C10orf67: variants seen among roughly 807,000 people sequenced by gnomAD.
The protein encoded by C10orf67 is uncharacterized protein C10orf67, mitochondrial.
Under a neutral mutation model 35.6 loss-of-function variants are expected in C10orf67, and 60 were observed. The ratio of observed to expected loss-of-function variants is 1.68; its 90% CI spans 1.37 to 2.09. The LOEUF is 2.09. C10orf67 is among the 30% of genes most tolerant of loss of function. C10orf67 has a pLI of 0.00. For missense variants in C10orf67, 474 were observed against 330.2 expected (o/e 1.44, Z -3.38); for synonymous variants, 167 against 115.8 (o/e 1.44, Z -2.84).
chr10:23,326,694 C>T (rs1845209345), intron 2 of C10orf67, among the ~76,000 whole-genome samples: 1 of 152,070 alleles, frequency 6.6e-6, no homozygotes, highest in Admixed American at 6.5e-5. Flanking sequence ...ACGTATGATA[C>T]TCAGCATAAA....
rs140172067 is a variant in C10orf67, at chr10:23,240,970, G to C, written c.1347-1154C>G. Among the ~76,000 whole-genome samples, 135 of 152,330 alleles carry C rather than the reference G, an allele frequency of 8.9e-4. 1 individual carries two copies. The highest frequency in any genetic ancestry group is 3.1e-3 in the African/African-American group (128 of 41,582). On this transcript the variant is annotated intron_variant, in intron 12 of 15. Transcript: ENST00000636213. ...TGGATTCCCAAAATTCTATGGGCAG[G>C]AAACAGATTGATAAAACTACTCAGG...
chr10:23,330,975 G>T (rs1242073473), intron 2 of C10orf67, among the ~76,000 whole-genome samples: 1 of 136,784 alleles, frequency 7.3e-6, no homozygotes, highest in African/African-American at 2.7e-5. Context: ...AAGGGAAGGG[G>T]AGGGAAACTG....
chr10:23,204,505 T>G (rs1293758220), intron 15 of C10orf67, among the ~76,000 whole-genome samples: 1 of 152,050 alleles, frequency 6.6e-6, no homozygotes. Context: ...AGTCTGGGGC[T>G]CTCCGGCAGC....
At chr10:23,271,309 G>A (rs772838229) in intron 8 of C10orf67, among the ~76,000 whole-genome samples, 6 of 152,174 alleles carry the variant, frequency 3.9e-5, no homozygotes, top group Admixed American at 6.5e-5. Context: ...CTTAGACTCC[G>A]CTCTATCTAT....
At chr10:23,208,777 G>C (rs1841226387) in intron 15 of C10orf67, among the ~76,000 whole-genome samples, 1 of 152,160 alleles carries the variant, frequency 6.6e-6, no homozygotes, top group Non-Finnish European at 1.5e-5. Flanking sequence ...CCTGTGACTT[G>C]CTTTGGCTAA....
At position 23,203,140 on chromosome 10, in the gene C10orf67, A is replaced by G. The variant is rs1020003232; in HGVS notation, c.*1033T>C. ...ACTGTAATTCAGCCAAGGACTGCTA[A>G]AACAAGGTGTTGATATATAGCAGCA... is the stretch of plus-strand genomic sequence containing the variant. On this transcript the variant is annotated 3_prime_UTR_variant, in exon 16 of 16. Coordinates refer to ENST00000636213, the MANE Select transcript of C10orf67 (RefSeq NM_001371909.1). 9 of 152,234 alleles carry G rather than the reference A, an allele frequency of 5.9e-5. No individual in the cohort carries two copies. Among genetic ancestry groups the G allele is most frequent in the African/African-American group, 2.2e-4 (9 of 41,462 alleles). 9.4% of individuals were successfully genotyped at this position (152,234 alleles called of 1,614,324 possible).
At chr10:23,241,803 C>A (rs1388514934) in intron 12 of C10orf67, among the ~76,000 whole-genome samples, 1 of 151,432 alleles carries the variant, frequency 6.6e-6, no homozygotes, top group Non-Finnish European at 1.5e-5. Flanking sequence ...AAGAGCTAGA[C>A]CAGATAAATA....
rs10466084 is a variant in C10orf67 at position 23,343,781 on chromosome 10, T to A, written c.206+788A>T. 2.6e-3 allele frequency: 848 copies of A among 328,278 alleles called. 8 individuals carry two copies. The highest frequency in any genetic ancestry group is 0.018 in the African/African-American group (798 of 43,932). The allele number at this position is 328,278 out of a possible 1,614,324, so 20.3% of individuals were successfully genotyped here. A position where few individuals can be genotyped will look rare whatever the true frequency, so the allele number is the denominator to read the frequency against. On this transcript the variant is annotated intron_variant, in intron 1 of 15. Coordinates refer to ENST00000636213, the MANE Select transcript of C10orf67 (RefSeq NM_001371909.1). ...CAGCTCTTTTCGGACAGTGATCCCC[T>A]CGAAAAACAAACAAAAAACTGAAGC...
intron 1 of C10orf67, among the ~76,000 whole-genome samples, chr10:23,336,814 T>C (rs1048836109): frequency 1.3e-5 from 2 of 152,048 alleles, no homozygotes; most frequent in Admixed American, 1.3e-4. Context: ...CACCTGGCCC[T>C]AGATGTTGGT....
At chr10:23,207,989 C>G (rs920187658) in intron 15 of C10orf67, among the ~76,000 whole-genome samples, 1 of 152,224 alleles carries the variant, frequency 6.6e-6, no homozygotes. Context: ...CCCCACCCCC[C>G]TCTTTATGAA....
At chr10:23,315,423 T>G (rs72788416) in intron 4 of C10orf67, among the ~76,000 whole-genome samples, 34,534 of 152,054 alleles carry the variant, frequency 0.23, 4,512 homozygotes, top group African/African-American at 0.34. Context: ...AGAGCATGTG[T>G]TTTTTGTTTT....
chr10:23,237,077 C>A (rs890564366), intron 13 of C10orf67, among the ~76,000 whole-genome samples: 1 of 152,012 alleles, frequency 6.6e-6, no homozygotes, highest in Non-Finnish European at 1.5e-5. Flanking sequence ...ATGTCTGTTC[C>A]TTTGTGTCCA....
intron 15 of C10orf67, 103 bp from the exon 16 acceptor site, chr10:23,204,358 T>TCTTC: frequency 2.3e-6 from 1 of 435,246 alleles, no homozygotes; most frequent in Non-Finnish European, 4.2e-6. Context: ...TTTTTTTTAG[T>TCTTC]GGGTCTTCCC....
intron 10 of C10orf67, among the ~76,000 whole-genome samples, chr10:23,257,356 G>C (rs755608708): frequency 2.2e-4 from 34 of 152,210 alleles, no homozygotes; most frequent in Admixed American, 1.2e-3. Flanking sequence ...AGCAATAGCA[G>C]TGCACTACTG....
At chr10:23,242,362 C>A (rs1842206653) in intron 12 of C10orf67, among the ~76,000 whole-genome samples, 1 of 152,118 alleles carries the variant, frequency 6.6e-6, no homozygotes, top group Non-Finnish European at 1.5e-5. Flanking sequence ...AAAATAATGA[C>A]ATTTTCCTCC....
chr10:23,224,860 G>A (rs1277880673), intron 13 of C10orf67, among the ~76,000 whole-genome samples: 1 of 152,152 alleles, frequency 6.6e-6, no homozygotes, highest in Non-Finnish European at 1.5e-5. Flanking sequence ...CAAGAAATAT[G>A]GGACTATGTG....
chr10:23,321,744 G>A (rs1844964113), intron 3 of C10orf67, among the ~76,000 whole-genome samples: 1 of 152,156 alleles, frequency 6.6e-6, no homozygotes, highest in African/African-American at 2.4e-5. Context: ...GTTTTTGTTT[G>A]CTTGTTTTTA....
intron 5 of C10orf67, among the ~76,000 whole-genome samples, chr10:23,294,906 A>T (rs1394780661): frequency 6.6e-6 from 1 of 152,230 alleles, no homozygotes; most frequent in Non-Finnish European, 1.5e-5. Context: ...AGGTTTTAGG[A>T]AAGTTTGTTC....
At chr10:23,217,356 C>T (rs1349821082) in intron 15 of C10orf67, among the ~76,000 whole-genome samples, 1 of 152,136 alleles carries the variant, frequency 6.6e-6, no homozygotes, top group East Asian at 1.9e-4. Flanking sequence ...ACAAGGATGT[C>T]ATGTCAAACT....
Sources: gnomAD v4.1 joint callset for allele counts (sites outside exome capture counted in the v4.1 genomes callset) on GRCh38, gnomAD v4.1.1 for gene constraint, MANE v1.5 for transcripts, NCBI Gene and HGNC (gene_info 2026-07-23, HGNC 2026-07-21) for gene names.